GANAB: variants seen among roughly 807,000 people sequenced by gnomAD.
GANAB encodes glucosidase II alpha subunit, also known as neutral alpha-glucosidase AB.
GANAB carries 35 observed loss-of-function variants against 129.9 expected under a neutral mutation model. That is an observed-to-expected ratio of 0.27 (90% CI 0.21 to 0.36). GANAB has a LOEUF of 0.36. GANAB is among the 10% of genes least tolerant of loss of function. The pLI, the probability that GANAB is intolerant of heterozygous loss-of-function variation, is 1.00. For missense variants in GANAB, 939 were observed against 1,221.0 expected (o/e 0.77, Z 3.44); for synonymous variants, 482 against 451.8 (o/e 1.07, Z -0.85).
In GANAB at chr11:62,627,323, C is replaced by A. The variant is rs766901948; in HGVS notation, c.2211G>T (p.Val737=). 5.9e-5 allele frequency: 94 copies of A among 1,584,604 alleles called. No homozygotes were observed. In the Admixed American group the frequency reaches 1.6e-3, roughly 26 times the overall value. The change falls in exon 18 of 24, where the codon GTG becomes GTT. Residue 737 remains valine (V), a synonymous_variant. Transcript: ENST00000356638. ...ACTGATCATCTATATTGAAGGTAGT[C>A]ACATCCTGAGGGTACTGCACCCACA... ...RPLWVQYPQD[V]TTFNIDDQYL... is the part of the protein sequence containing the mutation.
intron 9 of GANAB, among the ~76,000 whole-genome samples, 188 bp from the exon 10 acceptor site, chr11:62,631,371 C>T (rs931211982): frequency 2.6e-5 from 4 of 151,936 alleles, no homozygotes; most frequent in African/African-American, 9.7e-5. Flanking sequence ...AGTACAGCCC[C>T]CACCCCTACC....
In GANAB at chr11:62,633,448, G is replaced by A. The variant is rs1187776668; in HGVS notation, c.627C>T (p.Asp209=). ...AQPEETPRDG[D]KPEETQGKAE... ...CCACCCACCCGCTCCAACTTGCCTT[G>A]TCGCCATCCCTGGGTGTTTCCTCAG... The change falls in exon 6 of 24, where the codon GAC becomes GAT. Residue 209 remains aspartate, a synonymous_variant. Coordinates refer to ENST00000356638, the MANE Select transcript of GANAB (RefSeq NM_198334.3). 1.9e-6 allele frequency: 3 copies of A among 1,613,836 alleles called. No homozygotes were observed. Among genetic ancestry groups the A allele is most frequent in the Admixed American group, 3.3e-5 (2 of 60,002 alleles).
rs769782132 is a variant in GANAB at position 62,646,512 on chromosome 11, G to A, written c.38+50C>T. The A allele has an allele frequency of 4.4e-6, 7 of 1,595,290 alleles. No homozygotes were observed. The South Asian group carries it at 7.7e-5, about 18-fold the overall frequency. On this transcript the variant is annotated intron_variant, in intron 1 of 23. Coordinates refer to ENST00000356638, the MANE Select transcript of GANAB (RefSeq NM_198334.3). ...CACAGGAAGGAGTGGAATGGGACTT[G>A]GGGGATCTGGGGGCGTCCCGGGCGC... is the stretch of plus-strand genomic sequence containing the variant.
Position 62,646,594 on chromosome 11 carries a change from C to T in GANAB, c.6G>A (p.Ala2=), listed in dbSNP as rs1012837361. Residue 2 remains alanine, a synonymous_variant, in exon 1 of 24, where the codon GCG becomes GCA. Coordinates refer to ENST00000356638, the MANE Select transcript of GANAB (RefSeq NM_198334.3). M[A]AVAAVAARRR... ...TACGCGCCGCCACTGCCGCTACCGC[C>T]GCCATCTTGTGCAGAGTTTGCTCCT... 6 of 1,613,878 alleles carry T rather than the reference C, an allele frequency of 3.7e-6. No individual in the cohort carries two copies. The Admixed American group carries it at 6.7e-5, about 18-fold the overall frequency.
chr11:62,641,882 T>G (rs1944279538), intron 1 of GANAB, among the ~76,000 whole-genome samples: 2 of 152,046 alleles, frequency 1.3e-5, no homozygotes, highest in Non-Finnish European at 2.9e-5. Context: ...ACCCAGCTAA[T>G]TTTTAAAAAG....
At chr11:62,631,752 C>T (rs1189053795) in intron 9 of GANAB, among the ~76,000 whole-genome samples, 4 of 152,030 alleles carry the variant, frequency 2.6e-5, no homozygotes, top group Non-Finnish European at 5.9e-5. Flanking sequence ...GGAGCCACTG[C>T]ACCCGGCATC....
In GANAB at chr11:62,639,596, A is replaced by G. The variant is rs773093817; in HGVS notation, c.143+31T>C. 6 of 1,532,808 alleles carry G rather than the reference A, an allele frequency of 3.9e-6. No homozygotes were observed. The Admixed American group carries it at 8.4e-5, about 21-fold the overall frequency. 95.0% of individuals were successfully genotyped at this position (1,532,808 alleles called of 1,614,324 possible). ...CTCCCACATTACCCTACAACCCTAC[A>G]TTCCATCCCTCTCCCCCAGAAATAT... On this transcript the variant is annotated intron_variant, in intron 2 of 23. Transcript: ENST00000356638.
intron 1 of GANAB, 151 bp downstream of exon 1, chr11:62,646,411 C>T: frequency 1.2e-6 from 1 of 838,192 alleles, no homozygotes; most frequent in Non-Finnish European, 1.9e-6. Context: ...CACGGGGAGA[C>T]CGGAGGCGTC....
rs201573102 is a variant in GANAB, at chr11:62,646,568, C to G, written c.32G>C (p.Arg11Thr). 2 of 1,613,704 alleles carry G rather than the reference C, an allele frequency of 1.2e-6. No homozygotes were observed. Among genetic ancestry groups the G allele is most frequent in the Non-Finnish European group, 1.7e-6 (2 of 1,179,924 alleles). MAAVAAVAAR[R>T]RRSWASLVLA... is the part of the protein sequence containing the mutation. ...CAGATTCCGGGCTCCTCACCGCCTC[C>G]TACGCGCCGCCACTGCCGCTACCGC... The change falls in exon 1 of 24, where the codon AGG becomes ACG. Residue 11 changes from arginine to threonine, a missense_variant. Arg to Thr is a moderately conservative substitution (Grantham distance 71). Transcript: ENST00000356638.
At position 62,639,114 on chromosome 11, in the gene GANAB, C is replaced by T. The variant is rs202154028; in HGVS notation, c.253-4G>A. ...GAAGCTCTAGCACCAGCAACACCTG[C>T]GGGGACAGAGGTTTGGATCTGGAGA... On this transcript the variant is annotated splice_polypyrimidine_tract_variant and splice_region_variant and intron_variant, in intron 3 of 23. Coordinates refer to ENST00000356638, the MANE Select transcript of GANAB (RefSeq NM_198334.3). 9 of 1,613,646 alleles carry T rather than the reference C, an allele frequency of 5.6e-6. No homozygotes were observed. Among genetic ancestry groups the T allele is most frequent in the African/African-American group, 5.3e-5 (4 of 74,982 alleles).
intron 1 of GANAB, among the ~76,000 whole-genome samples, chr11:62,644,849 T>A (rs573289674): frequency 8.6e-5 from 13 of 151,988 alleles, no homozygotes; most frequent in African/African-American, 3.1e-4. Flanking sequence ...AATAAATAAA[T>A]AAATAAAATT....
intron 4 of GANAB, among the ~76,000 whole-genome samples, chr11:62,636,367 G>C (rs986292847): frequency 6.6e-6 from 1 of 152,110 alleles, no homozygotes; most frequent in Non-Finnish European, 1.5e-5. Context: ...TTGGGAGGCC[G>C]AGGCAGGTGG....
intron 4 of GANAB, among the ~76,000 whole-genome samples, chr11:62,637,411 G>A (rs969197687): frequency 9.9e-5 from 15 of 151,566 alleles, no homozygotes; most frequent in Admixed American, 6.6e-5. Context: ...GCTTCAATGA[G>A]GGCTTCTTAT....
rs202127265 is a variant in GANAB, at chr11:62,624,897, T to TA, written c.*917dup. The stretch of plus-strand genomic sequence containing the variant: ...GTCACAGCTGGGAACCAAGAGGAAG[T>TA]AAAAAAAATACCCACAAATATTCCC... On this transcript the variant is annotated 3_prime_UTR_variant, in exon 24 of 24. Coordinates refer to ENST00000356638, the MANE Select transcript of GANAB (RefSeq NM_198334.3). 4.2e-3 allele frequency: 1,082 copies of TA among 258,718 alleles called. 13 individuals are homozygous for TA. The highest frequency in any genetic ancestry group is 0.024 in the African/African-American group (1,012 of 42,388). The allele number at this position is 258,718 out of a possible 1,614,324, so 16.0% of individuals were successfully genotyped here.
chr11:62,632,483 T>C (rs941824448), intron 9 of GANAB, 82 bp downstream of exon 9: 2 of 1,091,030 alleles, frequency 1.8e-6, no homozygotes, highest in Non-Finnish European at 2.7e-6. Context: ...AGTCCCCAAA[T>C]AGCTAATGCC....
chr11:62,626,554 G>T lies in GANAB; in HGVS notation c.2511+17C>A. ...GGCAGGCAAATGGCTGAGGAGACTC[G>T]CTGCCTATGCACTTACCTGAGGGCT... On this transcript the variant is annotated intron_variant, in intron 21 of 23. Transcript: ENST00000356638. 6.5e-7 allele frequency: 1 copy of T among 1,541,036 alleles called. No individual in the cohort carries two copies. The highest frequency in any genetic ancestry group is 9.0e-7 in the Non-Finnish European group (1 of 1,113,772).
chr11:62,639,911 G>A, intron 1 of GANAB, 180 bp from the exon 2 acceptor site: 2 of 585,282 alleles, frequency 3.4e-6, no homozygotes, highest in Non-Finnish European at 6.1e-6. Context: ...GATCAGGCCT[G>A]AGAAGTTGGC....
In GANAB at chr11:62,628,909, G is replaced by A; in HGVS notation, c.2040C>T (p.Asp680=). The change falls in exon 17 of 24, where the codon GAC becomes GAT. Residue 680 remains aspartate, a synonymous_variant. Coordinates refer to ENST00000356638, the MANE Select transcript of GANAB (RefSeq NM_198334.3). ...QPFFRAHAHL[D]TGRREPWLLP... ...ACAGCCATGGCTCTCGTCGCCCAGT[G>A]TCCAAGTGGGCATGTGCCCGGAAGA... 1 of 1,614,124 alleles carries A rather than the reference G, an allele frequency of 6.2e-7. No homozygotes were observed. The highest frequency in any genetic ancestry group is 8.5e-7 in the Non-Finnish European group (1 of 1,179,978).
chr11:62,629,520 C>T, intron 15 of GANAB, 68 bp downstream of exon 15: 1 of 1,046,250 alleles, frequency 9.6e-7, no homozygotes, highest in Non-Finnish European at 1.4e-6. Flanking sequence ...AGAGGCAGGT[C>T]CAGGTCCATG....
Sources: allele counts gnomAD v4.1 joint callset (sites outside exome capture counted in the v4.1 genomes callset), GRCh38; gene constraint gnomAD v4.1.1; transcripts MANE v1.5; gene names NCBI Gene and HGNC (gene_info 2026-07-23, HGNC 2026-07-21).